The following PTPRD variants were observed in gnomAD, a reference collection of about 807,000 sequenced individuals.
PTPRD encodes the protein protein tyrosine phosphatase receptor type D, also known as receptor-type tyrosine-protein phosphatase delta.
Under a neutral mutation model 214.5 loss-of-function variants are expected in PTPRD, and 34 were observed. The observed-to-expected ratio is 0.16, with a 90% confidence interval of 0.12 to 0.21. PTPRD has a LOEUF of 0.21. PTPRD is among the 10% of genes least tolerant of loss of function. The probability of loss-of-function intolerance (pLI) is 1.00; values close to 1 mark genes in which losing one functional copy is unlikely to be tolerated. For missense variants in PTPRD, 2,545 were observed against 2,398.7 expected (o/e 1.06, Z -1.27); for synonymous variants, 1,128 against 845.7 (o/e 1.33, Z -5.79).
chr9:10,070,116 A>G (rs940102581), intron 3 of PTPRD, among the ~76,000 whole-genome samples: 12 of 152,064 alleles, frequency 7.9e-5, no homozygotes, highest in African/African-American at 2.9e-4. Context: ...AGTGGAAATT[A>G]CCAACATAGG....
chr9:10,034,950 T>C (rs1287636375), intron 3 of PTPRD, among the ~76,000 whole-genome samples: 2 of 151,896 alleles, frequency 1.3e-5, no homozygotes, highest in Non-Finnish European at 2.9e-5. Context: ...GGTAATAGGA[T>C]TGCTAGTAAT....
At position 9,278,434 on chromosome 9, in the gene PTPRD, T is replaced by C. The variant is rs182608868; in HGVS notation, c.-202-95071A>G. 2.0e-4 allele frequency among the ~76,000 whole-genome samples: 31 copies of C among 151,454 alleles called. No homozygotes were observed. The East Asian group carries it at 4.5e-3, about 22-fold the overall frequency. On this transcript the variant is annotated intron_variant, in intron 9 of 45. Coordinates refer to ENST00000381196, the MANE Select transcript of PTPRD (RefSeq NM_002839.4). Reference sequence around the variant, plus strand: ...CAAATAAAATGGTCCTAAAATAATATATGAGAAGATACATTTGTAAGCCAC... The same window carrying C: ...CAAATAAAATGGTCCTAAAATAATACATGAGAAGATACATTTGTAAGCCAC...
At chr9:8,660,195 T>C (rs541520172) in intron 12 of PTPRD, among the ~76,000 whole-genome samples, 470 of 152,354 alleles carry the variant, frequency 3.1e-3, no homozygotes, top group Non-Finnish European at 5.2e-3. Context: ...AGCATGTACA[T>C]GCTCTTGTCT....
intron 3 of PTPRD, among the ~76,000 whole-genome samples, chr9:10,262,626 C>A (rs1317364108): frequency 6.6e-6 from 1 of 152,154 alleles, no homozygotes; most frequent in Non-Finnish European, 1.5e-5. Context: ...GCAGAAGATT[C>A]TGGATCAAAT....
intron 8 of PTPRD, among the ~76,000 whole-genome samples, chr9:9,490,205 C>T (rs548757827): frequency 3.3e-5 from 5 of 152,072 alleles, no homozygotes; most frequent in African/African-American, 1.2e-4. Context: ...CACAGATAAA[C>T]AAAGTTGCTG....
intron 9 of PTPRD, among the ~76,000 whole-genome samples, chr9:9,223,991 A>G (rs768697352): frequency 1.1e-4 from 17 of 152,198 alleles, no homozygotes; most frequent in Non-Finnish European, 1.9e-4. Context: ...ATTGAATATA[A>G]CAAATGTATT....
At chr9:8,865,338 A>G (rs553031735) in intron 11 of PTPRD, among the ~76,000 whole-genome samples, 2 of 152,300 alleles carry the variant, frequency 1.3e-5, no homozygotes, top group East Asian at 3.9e-4. Context: ...GTTTGAGAGC[A>G]GGATTCATGT....
At chr9:10,395,492 A>C (rs184274711) in intron 2 of PTPRD, among the ~76,000 whole-genome samples, 3 of 152,054 alleles carry the variant, frequency 2.0e-5, no homozygotes, top group Non-Finnish European at 4.4e-5. Context: ...TCATTACTGA[A>C]AAAAACTTCA....
chr9:10,296,329 G>C (rs150126399), intron 3 of PTPRD, among the ~76,000 whole-genome samples: 1 of 151,790 alleles, frequency 6.6e-6, no homozygotes, highest in African/African-American at 2.4e-5. Flanking sequence ...ACTTATATTC[G>C]TTTTATCTGA....
At chr9:10,498,483 A>G (rs986996171) in intron 2 of PTPRD, among the ~76,000 whole-genome samples, 7 of 149,946 alleles carry the variant, frequency 4.7e-5, no homozygotes, top group Non-Finnish European at 1.0e-4. Context: ...GCTTCCTTGC[A>G]CCTGGGTCAA....
At chr9:9,489,160 G>T (rs1196569976) in intron 8 of PTPRD, among the ~76,000 whole-genome samples, 1 of 152,112 alleles carries the variant, frequency 6.6e-6, no homozygotes, top group East Asian at 1.9e-4. Context: ...GTAACTGTAT[G>T]CCCAGGAAAT....
At chr9:10,101,161 A>G (rs1175074591) in intron 3 of PTPRD, among the ~76,000 whole-genome samples, 3 of 151,596 alleles carry the variant, frequency 2.0e-5, no homozygotes, top group African/African-American at 7.3e-5. Context: ...CATATGGGAA[A>G]CTGCTTGGCT....
At chr9:10,345,387 G>C (rs540695350) in intron 2 of PTPRD, among the ~76,000 whole-genome samples, 1 of 152,064 alleles carries the variant, frequency 6.6e-6, no homozygotes, top group South Asian at 2.1e-4. Context: ...ATCTACATTA[G>C]ATATTTCTCC....
intron 12 of PTPRD, among the ~76,000 whole-genome samples, chr9:8,669,884 A>T (rs529536478): frequency 2.0e-5 from 3 of 152,158 alleles, no homozygotes; most frequent in Non-Finnish European, 4.4e-5. Context: ...AGGAGTGGGA[A>T]GTTAATCAAA....
chr9:8,678,054 G>A (rs1032228386), intron 12 of PTPRD, among the ~76,000 whole-genome samples: 6 of 152,080 alleles, frequency 3.9e-5, no homozygotes, highest in Admixed American at 1.3e-4. Flanking sequence ...TTGGAATCCC[G>A]GCAGTGAAGT....
At chr9:9,649,793 A>C (rs570739659) in intron 7 of PTPRD, among the ~76,000 whole-genome samples, 4 of 152,234 alleles carry the variant, frequency 2.6e-5, no homozygotes, top group South Asian at 4.1e-4. Flanking sequence ...TTTTAAATTT[A>C]AGACAAAACT....
At chr9:9,646,752 C>T (rs2096194340) in intron 7 of PTPRD, among the ~76,000 whole-genome samples, 1 of 152,056 alleles carries the variant, frequency 6.6e-6, no homozygotes, top group Non-Finnish European at 1.5e-5. Context: ...GTGTTTTTTC[C>T]TATACATGCA....
chr9:9,114,056 A>G (rs1448619239), intron 10 of PTPRD, among the ~76,000 whole-genome samples: 1 of 152,162 alleles, frequency 6.6e-6, no homozygotes, highest in East Asian at 1.9e-4. Context: ...GAGAATCACT[A>G]TAAGAGAACA....
At chr9:10,010,599 T>C (rs574983470) in intron 4 of PTPRD, among the ~76,000 whole-genome samples, 1 of 151,948 alleles carries the variant, frequency 6.6e-6, no homozygotes, top group African/African-American at 2.4e-5. Flanking sequence ...GCAAGTTGTA[T>C]ACTCAACTCA....
Sources: allele counts gnomAD v4.1 joint callset (sites outside exome capture counted in the v4.1 genomes callset), GRCh38; gene constraint gnomAD v4.1.1; transcripts MANE v1.5; gene names NCBI Gene and HGNC (gene_info 2026-07-23, HGNC 2026-07-21).